The following DLEU7 variants were observed in gnomAD, a reference collection of about 807,000 sequenced individuals.
DLEU7 encodes the protein deleted in lymphocytic leukemia 7.
A neutral mutation model predicts 16.0 loss-of-function variants in DLEU7; 17 were observed. The ratio of observed to expected loss-of-function variants is 1.06; its 90% CI spans 0.73 to 1.59. DLEU7 has a LOEUF of 1.59. Among genes scored for constraint, DLEU7 ranks in the 40% most tolerant of loss-of-function variants. The pLI, the probability that DLEU7 is intolerant of heterozygous loss-of-function variation, is 0.00. For missense variants in DLEU7, 308 were observed against 314.9 expected (o/e 0.98, Z 0.17); for synonymous variants, 113 against 139.8 (o/e 0.81, Z 1.35).
At chr13:50,721,834 A>C (rs536948476) in intron 1 of DLEU7, among the ~76,000 whole-genome samples, 1 of 152,362 alleles carries the variant, frequency 6.6e-6, no homozygotes, top group East Asian at 1.9e-4. Context: ...CGTAACATCC[A>C]ATAAGTATGA....
At chr13:50,721,859 A>G (rs1005719742) in intron 1 of DLEU7, among the ~76,000 whole-genome samples, 2 of 152,236 alleles carry the variant, frequency 1.3e-5, no homozygotes, top group African/African-American at 4.8e-5. Context: ...TACCTTCAAA[A>G]TCACTAGAAA....
intron 1 of DLEU7, among the ~76,000 whole-genome samples, chr13:50,736,240 G>A (rs917458621): frequency 2.6e-5 from 4 of 151,996 alleles, no homozygotes; most frequent in African/African-American, 9.7e-5. Flanking sequence ...CCTTAGCAAA[G>A]TAACACAGGA....
chr13:50,727,730 T>C (rs950944698), intron 1 of DLEU7, among the ~76,000 whole-genome samples: 1 of 152,170 alleles, frequency 6.6e-6, no homozygotes, highest in Non-Finnish European at 1.5e-5. Context: ...GATTCCAAGT[T>C]ATCCTCCTGG....
At chr13:50,766,646 C>T (rs1875120122) in intron 1 of DLEU7, among the ~76,000 whole-genome samples, 1 of 152,038 alleles carries the variant, frequency 6.6e-6, no homozygotes, top group East Asian at 1.9e-4. Flanking sequence ...CTCAGGAGTC[C>T]CTACATTCCC....
At chr13:50,741,227 A>G (rs1673042430) in intron 1 of DLEU7, among the ~76,000 whole-genome samples, 1 of 152,196 alleles carries the variant, frequency 6.6e-6, no homozygotes, top group Non-Finnish European at 1.5e-5. Flanking sequence ...AGCAGGGGAG[A>G]AGGGCCTTCT....
At chr13:50,831,506 A>T (rs1437428256) in intron 1 of DLEU7, among the ~76,000 whole-genome samples, 1 of 152,202 alleles carries the variant, frequency 6.6e-6, no homozygotes, top group Non-Finnish European at 1.5e-5. Context: ...GAAGGAGAAC[A>T]TTAGTCTGAA....
At chr13:50,776,023 C>T (rs986084879) in intron 1 of DLEU7, among the ~76,000 whole-genome samples, 1 of 152,066 alleles carries the variant, frequency 6.6e-6, no homozygotes, top group African/African-American at 2.4e-5. Context: ...TTCAAATCAG[C>T]CTTTTATTCC....
chr13:50,785,550 T>C (rs1875775545), intron 1 of DLEU7, among the ~76,000 whole-genome samples: 1 of 152,148 alleles, frequency 6.6e-6, no homozygotes. Context: ...TAAAAAAAGA[T>C]CACTTAAGGC....
At chr13:50,773,292 A>G (rs113808004) in intron 1 of DLEU7, among the ~76,000 whole-genome samples, 24,562 of 152,102 alleles carry the variant, frequency 0.16, 2,337 homozygotes, top group East Asian at 0.28. Flanking sequence ...GTCATTCTCT[A>G]TCCAGCTTTG....
At chr13:50,752,187 G>A (rs1002685539) in intron 1 of DLEU7, among the ~76,000 whole-genome samples, 22 of 151,640 alleles carry the variant, frequency 1.5e-4, no homozygotes, top group African/African-American at 5.1e-4. Context: ...TAGTAGCTGG[G>A]ACTACAGGCG....
At position 50,843,011 on chromosome 13, in the gene DLEU7, C is replaced by T. The variant is rs957776971; in HGVS notation, c.459+177G>A. Among the ~76,000 whole-genome samples the T allele has an allele frequency of 6.6e-6, 1 of 152,180 alleles. No individual in the cohort carries two copies. The highest frequency in any genetic ancestry group is 1.5e-5 in the Non-Finnish European group (1 of 68,024). Reference sequence around the variant, plus strand: ...CAGGTGGGTCTGGGGCTCCCTGCCCCTCCTGCTGAGTCCCCAGAGTGTCCC... The same window carrying T: ...CAGGTGGGTCTGGGGCTCCCTGCCCTTCCTGCTGAGTCCCCAGAGTGTCCC... On this transcript the variant is annotated intron_variant, in intron 1 of 1. Coordinates refer to ENST00000504404, the MANE Select transcript of DLEU7 (RefSeq NM_001306135.2). This position sits in a 1 kb window ranked among gnomAD's most constrained non-coding sequence, Gnocchi z 5.7.
In DLEU7 at chr13:50,748,424, G is replaced by A. The variant is rs1161008927; in HGVS notation, c.460-35184C>T. ...AAATACTCTATTCCTTGATTATAAA[G>A]GACATGAGTCTAATGGTTTGACTCT... On this transcript the variant is annotated intron_variant, in intron 1 of 1. Coordinates refer to the DLEU7 transcript ENST00000400393. 5.3e-5 allele frequency among the ~76,000 whole-genome samples: 8 copies of A among 151,930 alleles called. No individual in the cohort carries two copies. The East Asian group carries it at 1.5e-3, about 29-fold the overall frequency.
chr13:50,742,600 ACT>A (rs981249328), intron 1 of DLEU7, among the ~76,000 whole-genome samples: 2 of 151,940 alleles, frequency 1.3e-5, no homozygotes, highest in Non-Finnish European at 2.9e-5. Flanking sequence ...CTGAAGAGAA[ACT>A]CTCAACCCCA....
chr13:50,711,144 C>A (rs1365723526), downstream of DLEU7: 1 of 151,742 alleles, frequency 6.6e-6, no homozygotes, highest in East Asian at 1.9e-4. Context: ...CCAAATTTGC[C>A]AATATTGGTA....
chr13:50,727,808 C>G (rs1352907220), intron 1 of DLEU7, among the ~76,000 whole-genome samples: 1 of 152,238 alleles, frequency 6.6e-6, no homozygotes, highest in Non-Finnish European at 1.5e-5. Context: ...ACTGCTGTGA[C>G]TTTGGGTTAT....
intron 1 of DLEU7, among the ~76,000 whole-genome samples, chr13:50,830,795 C>G (rs934255841): frequency 1.3e-5 from 2 of 152,144 alleles, no homozygotes; most frequent in African/African-American, 4.8e-5. Context: ...GCAGATGTTA[C>G]TTAGAATGGG....
chr13:50,765,797 C>G (rs770390872), intron 1 of DLEU7, among the ~76,000 whole-genome samples: 1 of 152,024 alleles, frequency 6.6e-6, no homozygotes, highest in Non-Finnish European at 1.5e-5. Context: ...GGAGACATGG[C>G]CATTGTTGTG....
intron 1 of DLEU7, among the ~76,000 whole-genome samples, chr13:50,815,904 C>G (rs1876719111): frequency 7.0e-6 from 1 of 142,994 alleles, no homozygotes; most frequent in Non-Finnish European, 1.6e-5. Context: ...AAATTTGCTT[C>G]AAGAACAGGA....
At chr13:50,816,272 A>T (rs537965716) in intron 1 of DLEU7, among the ~76,000 whole-genome samples, 1 of 152,260 alleles carries the variant, frequency 6.6e-6, no homozygotes, top group South Asian at 2.1e-4. Flanking sequence ...AATGGATAGA[A>T]TAGCTTATTT....
Sources: gnomAD v4.1 joint callset for allele counts (sites outside exome capture counted in the v4.1 genomes callset) on GRCh38, gnomAD v4.1.1 for gene constraint, Gnocchi (gnomAD v3.1) non-coding constraint, MANE v1.5 for transcripts, NCBI Gene and HGNC (gene_info 2026-07-23, HGNC 2026-07-21) for gene names.